GOLGA6A: variants seen among roughly 807,000 people sequenced by gnomAD.
The protein encoded by GOLGA6A is golgin A6 family member A, also known as golgin subfamily A member 6A.
GOLGA6A carries 1 observed loss-of-function variant against 53.6 expected under a neutral mutation model. The observed-to-expected ratio is 0.02, with a 90% CI of 0.01 to 0.09. The LOEUF (loss-of-function observed/expected upper bound fraction) is 0.09, where lower values mean the gene tolerates loss of function less well. GOLGA6A is among the 10% of genes least tolerant of loss of function. The probability of loss-of-function intolerance (pLI) is 1.00; values close to 1 mark genes in which losing one functional copy is unlikely to be tolerated. For missense variants in GOLGA6A, 23 were observed against 509.4 expected (o/e 0.05, Z 9.19); for synonymous variants, 6 against 201.8 (o/e 0.03, Z 8.22).
intron 7 of GOLGA6A, among the ~76,000 whole-genome samples, chr15:74,076,430 C>T (rs1378739549): frequency 8.3e-6 from 1 of 120,902 alleles, no homozygotes; most frequent in Non-Finnish European, 1.7e-5. Flanking sequence ...TCTCTAAGCC[C>T]ATTTTTCTTG....
rs1226818663 is a variant in GOLGA6A at position 74,079,395 on chromosome 15, GA to G, written c.205-707del. On this transcript the variant is annotated intron_variant, in intron 2 of 17. Coordinates refer to ENST00000290438, the MANE Select transcript of GOLGA6A (RefSeq NM_001038640.2). ...CAAGATAATAAAAGACGCGGGGAAG[GA>G]AAAAACCCAATCAATCAAGCAGGTG... is the stretch of plus-strand genomic sequence containing the variant. Among the ~76,000 whole-genome samples, 2 of 35,472 alleles carry G rather than the reference GA, an allele frequency of 5.6e-5. 1 individual carries two copies. The highest frequency in any genetic ancestry group is 2.5e-4 in the African/African-American group (2 of 7,992). 23.3% of individuals were successfully genotyped at this position (35,472 alleles called of 152,430 possible). A position where few individuals can be genotyped will look rare whatever the true frequency, so the allele number is the denominator to read the frequency against.
chr15:74,080,921 TG>T (rs1261645978), intron 1 of GOLGA6A, among the ~76,000 whole-genome samples, 186 bp from the exon 2 acceptor site: 2 of 109,330 alleles, frequency 1.8e-5, no homozygotes, highest in Admixed American at 1.0e-4. Flanking sequence ...AAAAAAAGTG[TG>T]GGGGGGCAAT....
At chr15:74,076,066 C>G (rs1309153098) in intron 7 of GOLGA6A, 81 bp from the exon 8 acceptor site, 1 of 1,608,406 alleles carries the variant, frequency 6.2e-7, no homozygotes, top group African/African-American at 1.3e-5. Flanking sequence ...ATATACAACT[C>G]GGTCAGTAAA....
intron 7 of GOLGA6A, among the ~76,000 whole-genome samples, chr15:74,076,635 C>CACACACAA (rs2071980933): frequency 6.7e-6 from 1 of 149,090 alleles, no homozygotes; most frequent in Non-Finnish European, 1.5e-5. Context: ...CACACACACA[C>CACACACAA]ACACACACAC....
intron 2 of GOLGA6A, among the ~76,000 whole-genome samples, chr15:74,080,341 G>A (rs1430273289): frequency 2.6e-5 from 4 of 152,298 alleles, no homozygotes; most frequent in Admixed American, 1.3e-4. Flanking sequence ...GGTGTTTACA[G>A]CAGGCCACGT....
chr15:74,072,012 G>C (rs2071944569), intron 14 of GOLGA6A, among the ~76,000 whole-genome samples: 1 of 152,238 alleles, frequency 6.6e-6, no homozygotes, highest in African/African-American at 2.4e-5. Context: ...CAGAACAAAT[G>C]AGGCAGGGAG....
At chr15:74,076,660 A>ACACACACACACC (rs1244158104) in intron 7 of GOLGA6A, among the ~76,000 whole-genome samples, 3 of 143,838 alleles carry the variant, frequency 2.1e-5, no homozygotes, top group Non-Finnish European at 4.6e-5. Context: ...ACACACACAC[A>ACACACACACACC]CCCCTTTCCT....
At chr15:74,076,072 G>GT (rs2071976817) in intron 7 of GOLGA6A, 87 bp from the exon 8 acceptor site, 1 of 1,605,244 alleles carries the variant, frequency 6.2e-7, no homozygotes, top group African/African-American at 1.3e-5. Context: ...AACTCGGTCA[G>GT]TAAAGGTCAA....
Position 74,080,877 on chromosome 15 carries a change from TAA to T in GOLGA6A, c.85-144_85-143del, listed in dbSNP as rs1203119700. On this transcript the variant is annotated intron_variant, in intron 1 of 17. Coordinates refer to ENST00000290438, the MANE Select transcript of GOLGA6A (RefSeq NM_001038640.2). ...TGTACAAGGTGTTGTCACAATCACTTAAGTGACTGAGAGGGATGGATATTATG... is the reference window on the plus strand; with the variant it reads ...TGTACAAGGTGTTGTCACAATCACTTGTGACTGAGAGGGATGGATATTATG... The T allele has an allele frequency of 1.2e-3, 1,312 of 1,133,916 alleles. No homozygotes were observed. In the Admixed American group the frequency reaches 0.032, roughly 28 times the overall value. 70.2% of individuals were successfully genotyped at this position (1,133,916 alleles called of 1,614,324 possible).
chr15:74,076,186 A>C (rs1268604597), intron 7 of GOLGA6A, among the ~76,000 whole-genome samples: 87 of 146,236 alleles, frequency 5.9e-4, no homozygotes, highest in African/African-American at 2.2e-3. Flanking sequence ...GCCCAGAGAG[A>C]TCAGATAATA....
intron 3 of GOLGA6A, among the ~76,000 whole-genome samples, chr15:74,078,322 G>A (rs2141915916): frequency 1.0e-5 from 1 of 96,868 alleles, no homozygotes; most frequent in East Asian, 2.9e-4. Flanking sequence ...CAGGGCCCCT[G>A]ACAACCAGTC....
Position 74,074,677 on chromosome 15 carries a change from TG to T in GOLGA6A, c.1171del (p.Gln391ArgfsTer62). 2.1e-6 allele frequency: 1 copy of T among 470,700 alleles called. No homozygotes were observed. The highest frequency in any genetic ancestry group is 3.5e-6 in the Non-Finnish European group (1 of 287,222). 29.2% of individuals were successfully genotyped at this position (470,700 alleles called of 1,614,324 possible). On this transcript the variant is annotated frameshift_variant, in exon 11 of 18. Coordinates refer to ENST00000290438, the MANE Select transcript of GOLGA6A (RefSeq NM_001038640.2). LOFTEE classifies it high-confidence loss of function. ...LRKQEQRLRKQEERLRKEEER... is the reference protein window; with the variant it reads ...LRKQEQRLRKXEERLRKEEER... ...CTCCTCCTTTCGCAGCCTCTCCTCC[TG>T]TTTGCGTAGCCTCTGCTCCTGCTTT...
chr15:74,076,135 G>A, intron 7 of GOLGA6A, 150 bp from the exon 8 acceptor site: 3 of 799,062 alleles, frequency 3.8e-6, no homozygotes, highest in South Asian at 3.2e-5. Flanking sequence ...AAAGTTGGAA[G>A]GGAGAGGGAA....
chr15:74,080,399 C>G (rs1446140201), intron 2 of GOLGA6A, among the ~76,000 whole-genome samples: 1 of 152,292 alleles, frequency 6.6e-6, no homozygotes, highest in Non-Finnish European at 1.5e-5. Context: ...CTCATTTAAA[C>G]TTCACAAATG....
At chr15:74,076,017 G>A (rs759314405) in intron 7 of GOLGA6A, 32 bp from the exon 8 acceptor site, 2 of 1,612,048 alleles carry the variant, frequency 1.2e-6, no homozygotes, top group South Asian at 1.1e-5. Context: ...GTTTTGATCT[G>A]GGGAGCTCAG....
Position 74,075,018 on chromosome 15 carries a change from AC to A in GOLGA6A, c.848-18del, listed in dbSNP as rs2071969927. On this transcript the variant is annotated intron_variant, in intron 10 of 17. Coordinates refer to ENST00000290438, the MANE Select transcript of GOLGA6A (RefSeq NM_001038640.2). Reference sequence around the variant, plus strand: ...GGGGCTCAGCTGAGAAATGAAGCAGACAATAAGGGCCTCTGGATTCCCCAAC... The same window carrying A: ...GGGGCTCAGCTGAGAAATGAAGCAGAAATAAGGGCCTCTGGATTCCCCAAC... 6.4e-7 allele frequency: 1 copy of A among 1,553,500 alleles called. No individual in the cohort carries two copies. The highest frequency in any genetic ancestry group is 8.6e-7 in the Non-Finnish European group (1 of 1,166,944).
Position 74,072,834 on chromosome 15 carries a change from C to T in GOLGA6A, c.1426-17G>A. 6.2e-7 allele frequency: 1 copy of T among 1,612,044 alleles called. No homozygotes were observed. The highest frequency in any genetic ancestry group is 1.7e-5 in the Admixed American group (1 of 60,008). On this transcript the variant is annotated splice_polypyrimidine_tract_variant and intron_variant, in intron 12 of 17. Coordinates refer to ENST00000290438, the MANE Select transcript of GOLGA6A (RefSeq NM_001038640.2). ...TAGGTGCTCCTAAGGGGACGGGAAA[C>T]AGAGTGAGAAGGCACGGAGGTTGCC...
At chr15:74,076,081 A>G in intron 7 of GOLGA6A, 96 bp from the exon 8 acceptor site, 1 of 1,585,136 alleles carries the variant, frequency 6.3e-7, no homozygotes, top group Non-Finnish European at 8.6e-7. Context: ...AGTAAAGGTC[A>G]AGGCATTTCC....
chr15:74,076,656 A>ACACC (rs2071981174), intron 7 of GOLGA6A, among the ~76,000 whole-genome samples: 1 of 148,820 alleles, frequency 6.7e-6, no homozygotes. Flanking sequence ...ACACACACAC[A>ACACC]CACACCCCTT....
Sources: allele counts gnomAD v4.1 joint callset (sites outside exome capture counted in the v4.1 genomes callset), GRCh38; gene constraint gnomAD v4.1.1; transcripts MANE v1.5; gene names NCBI Gene and HGNC (gene_info 2026-07-23, HGNC 2026-07-21).